Variants in PRKCI observed in about 807,000 individuals in gnomAD.
PRKCI encodes the protein protein kinase C iota, also known as protein kinase C iota type.
PRKCI carries 43 observed loss-of-function variants against 84.0 expected under a neutral mutation model. The ratio of observed to expected loss-of-function variants is 0.51; its 90% CI spans 0.40 to 0.66. PRKCI has a LOEUF of 0.66. Among genes scored for constraint, PRKCI ranks in the 30% least tolerant of loss-of-function variants. The pLI is 0.00. For synonymous variants in PRKCI, 216 were observed against 234.4 expected (o/e 0.92, Z 0.72); for missense variants, 459 against 745.6 (o/e 0.62, Z 4.48).
At chr3:170,260,860 G>T (rs886888241) in intron 3 of PRKCI, among the ~76,000 whole-genome samples, 5 of 152,154 alleles carry the variant, frequency 3.3e-5, no homozygotes, top group African/African-American at 1.2e-4. Context: ...ATTGTAACTG[G>T]CACGTTGTAG....
chr3:170,271,845 T>C (rs1210917228), intron 6 of PRKCI, among the ~76,000 whole-genome samples: 2 of 152,126 alleles, frequency 1.3e-5, no homozygotes, highest in African/African-American at 4.8e-5. Flanking sequence ...TTTTTTGTTA[T>C]TGTTTTGAGA....
Position 170,222,590 on chromosome 3 carries a change from C to A in PRKCI, c.-80C>A. 8.0e-7 allele frequency: 1 copy of A among 1,245,620 alleles called. No homozygotes were observed. The highest frequency in any genetic ancestry group is 1.1e-6 in the Non-Finnish European group (1 of 915,948). 77.2% of individuals were successfully genotyped at this position (1,245,620 alleles called of 1,614,324 possible). A position where few individuals can be genotyped will look rare whatever the true frequency, so the allele number is the denominator to read the frequency against. On this transcript the variant is annotated 5_prime_UTR_variant, in exon 1 of 18. Transcript: ENST00000295797. ...GACGGCCGCGGTTCTCCGGCAAGCG[C>A]AGGCGGCGGAGTCCCCCACGGCGCC...
At chr3:170,235,977 G>T (rs1440123918) in intron 2 of PRKCI, among the ~76,000 whole-genome samples, 3 of 151,550 alleles carry the variant, frequency 2.0e-5, no homozygotes, top group African/African-American at 7.3e-5. Context: ...TTAAAGACAG[G>T]GTCTTGCTAA....
rs764080799 is a variant in PRKCI at position 170,281,836 on chromosome 3, A to T, written c.981-46A>T. 7 of 1,550,378 alleles carry T rather than the reference A, an allele frequency of 4.5e-6. No individual in the cohort carries two copies. The South Asian group carries it at 8.8e-5, about 20-fold the overall frequency. Reference sequence around the variant, plus strand: ...GTTTCTGAAAATGCAAAGTTACACTACCTTATTTTGGATCTTGATTTCATG... The same window carrying T: ...GTTTCTGAAAATGCAAAGTTACACTTCCTTATTTTGGATCTTGATTTCATG... On this transcript the variant is annotated intron_variant, in intron 10 of 17. Transcript: ENST00000295797.
At chr3:170,263,462 G>C in intron 4 of PRKCI, 33 bp downstream of exon 4, 2 of 1,514,088 alleles carry the variant, frequency 1.3e-6, no homozygotes, top group Non-Finnish European at 1.8e-6. Context: ...CCTTTTACAA[G>C]AGTTACTATG....
chr3:170,260,880 G>A (rs1183084817), intron 3 of PRKCI, among the ~76,000 whole-genome samples: 1 of 152,166 alleles, frequency 6.6e-6, no homozygotes, highest in Non-Finnish European at 1.5e-5. Context: ...GACCTGGATT[G>A]TGAATCTAGG....
rs75401477 is a variant in PRKCI, at chr3:170,270,615, A to T, written c.591+54A>T. On this transcript the variant is annotated intron_variant, in intron 6 of 17. Transcript: ENST00000295797. ...TTTTTTTAAGAGCGTGCTTGATAAC[A>T]CTGCTATAACAGAGTGCTAAAATAG... 1.9e-3 allele frequency: 2,919 copies of T among 1,519,508 alleles called. 45 individuals are homozygous for T. The African/African-American group carries it at 0.036, about 19-fold the overall frequency. The allele number at this position is 1,519,508 out of a possible 1,614,324, so 94.1% of individuals were successfully genotyped here.
In PRKCI at chr3:170,235,386, T is replaced by C. The variant is rs755525305; in HGVS notation, c.223+35T>C. The C allele has an allele frequency of 1.9e-6, 3 of 1,605,172 alleles. No individual in the cohort carries two copies. The South Asian group carries it at 3.3e-5, about 18-fold the overall frequency. ...AAAGACAGGGCTGCCTGTGTAAGCATTTTAAGATCTTATTCTATCATTTGT... is the reference window on the plus strand; with the variant it reads ...AAAGACAGGGCTGCCTGTGTAAGCACTTTAAGATCTTATTCTATCATTTGT... On this transcript the variant is annotated intron_variant, in intron 2 of 17. Coordinates refer to ENST00000295797, the MANE Select transcript of PRKCI (RefSeq NM_002740.6).
chr3:170,280,545 T>C, intron 9 of PRKCI, 142 bp downstream of exon 9: 1 of 666,752 alleles, frequency 1.5e-6, no homozygotes, highest in Non-Finnish European at 2.4e-6. Context: ...GCCTCCCAGG[T>C]TCAAGTGATT....
chr3:170,250,441 C>G lies in PRKCI; in HGVS notation c.224-9528C>G, dbSNP rs907624067. Among the ~76,000 whole-genome samples the G allele has an allele frequency of 5.5e-3, 594 of 107,796 alleles. 25 individuals carry two copies. The highest frequency in any genetic ancestry group is 0.02 in the African/African-American group (571 of 27,948). The allele number at this position is 107,796 out of a possible 152,430, so 70.7% of individuals were successfully genotyped here. A position where few individuals can be genotyped will look rare whatever the true frequency, so the allele number is the denominator to read the frequency against. On this transcript the variant is annotated intron_variant, in intron 2 of 17. Transcript: ENST00000295797. ...AACATTTTCATTACCAACCCCCCCC[C>G]CCCAAAAAAAAATCTCGTGTCTATT...
At chr3:170,265,100 A>C (rs1733824829) in intron 4 of PRKCI, among the ~76,000 whole-genome samples, 1 of 151,952 alleles carries the variant, frequency 6.6e-6, no homozygotes, top group Non-Finnish European at 1.5e-5. Flanking sequence ...GAGGCAGGAG[A>C]ATTGCTTGAA....
intron 4 of PRKCI, 66 bp downstream of exon 4, chr3:170,263,495 A>G: frequency 7.1e-7 from 1 of 1,400,226 alleles, no homozygotes. Flanking sequence ...TGAAAAAGAA[A>G]TCAGAGATAG....
At chr3:170,239,281 A>G (rs182964812) in intron 2 of PRKCI, among the ~76,000 whole-genome samples, 3 of 152,212 alleles carry the variant, frequency 2.0e-5, no homozygotes, top group African/African-American at 7.2e-5. Context: ...TCACAAAGAT[A>G]GTTTAAATAT....
intron 2 of PRKCI, among the ~76,000 whole-genome samples, chr3:170,245,954 T>G (rs957765346): frequency 3.3e-5 from 4 of 121,358 alleles, no homozygotes; most frequent in Non-Finnish European, 5.1e-5. Flanking sequence ...TCTTTGTTTT[T>G]TTTTTTTTTT....
At chr3:170,250,548 A>G (rs367656841) in intron 2 of PRKCI, among the ~76,000 whole-genome samples, 1 of 148,606 alleles carries the variant, frequency 6.7e-6, no homozygotes, top group South Asian at 2.1e-4. Flanking sequence ...ATATGTTTCT[A>G]CAGATAGACT....
At chr3:170,268,132 C>G (rs1733910748) in intron 5 of PRKCI, 132 bp downstream of exon 5, 1 of 679,686 alleles carries the variant, frequency 1.5e-6, no homozygotes, top group Non-Finnish European at 2.4e-6. Flanking sequence ...CCTTACATTT[C>G]CAGTTTGCCT....
chr3:170,266,051 GTT>G (rs1733850626), intron 4 of PRKCI, among the ~76,000 whole-genome samples: 1 of 152,080 alleles, frequency 6.6e-6, no homozygotes, highest in African/African-American at 2.4e-5. Flanking sequence ...TTGGGAACCT[GTT>G]GTAATCTTTC....
intron 2 of PRKCI, among the ~76,000 whole-genome samples, chr3:170,246,848 A>C (rs1034229548): frequency 1.3e-5 from 2 of 152,108 alleles, no homozygotes; most frequent in African/African-American, 4.8e-5. Context: ...AGTCCCTAGT[A>C]ACCTGTATTA....
In PRKCI at chr3:170,270,961, G is replaced by GT. The variant is rs1418464112; in HGVS notation, c.591+401dup. Among the ~76,000 whole-genome samples, 494 of 152,166 alleles carry GT rather than the reference G, an allele frequency of 3.2e-3. 4 individuals carry two copies. Among genetic ancestry groups the GT allele is most frequent in the African/African-American group, 0.012 (483 of 41,530 alleles). On this transcript the variant is annotated intron_variant, in intron 6 of 17. Transcript: ENST00000295797. ...AGGTATCATGTTTGTTATTTAAACT[G>GT]TGAGATTACTGGCGAGGAAAGCATT...
Sources: gnomAD v4.1 joint callset for allele counts (sites outside exome capture counted in the v4.1 genomes callset) on GRCh38, gnomAD v4.1.1 for gene constraint, MANE v1.5 for transcripts, NCBI Gene and HGNC (gene_info 2026-07-23, HGNC 2026-07-21) for gene names.